The following RORB variants were observed in gnomAD, a reference collection of about 807,000 sequenced individuals.
RORB encodes the protein nuclear receptor ROR-beta.
A neutral mutation model predicts 59.1 loss-of-function variants in RORB; 6 were observed. The observed-to-expected ratio is 0.10, with a 90% confidence interval of 0.06 to 0.20. The LOEUF (loss-of-function observed/expected upper bound fraction) is 0.20, where lower values mean the gene tolerates loss of function less well. Ranked by LOEUF, RORB falls within the 10% of genes least tolerant of loss-of-function variation. The probability of loss-of-function intolerance (pLI) is 1.00; values close to 1 mark genes in which losing one functional copy is unlikely to be tolerated. For synonymous variants in RORB, 215 were observed against 204.5 expected (o/e 1.05, Z -0.44); for missense variants, 320 against 560.5 (o/e 0.57, Z 4.33).
rs111273738 is a variant in RORB, at chr9:74,500,443, G to T, written c.7+2460G>T. ...AACTTGAGAAGTGAAAGCGGGAAAA[G>T]AATCAGCTTTCGCTCGTGCAGGGCT... On this transcript the variant is annotated intron_variant, in intron 1 of 9. Coordinates refer to ENST00000376896, the MANE Select transcript of RORB (RefSeq NM_006914.4). Among the ~76,000 whole-genome samples, 431 of 152,284 alleles carry T rather than the reference G, an allele frequency of 2.8e-3. 1 individual carries two copies. The highest frequency in any genetic ancestry group is 9.8e-3 in the African/African-American group (406 of 41,576).
chr9:74,624,232 T>A (rs1823470950), intron 1 of RORB, among the ~76,000 whole-genome samples: 1 of 152,168 alleles, frequency 6.6e-6, no homozygotes, highest in Non-Finnish European at 1.5e-5. Flanking sequence ...ATTTAGGAGC[T>A]ATCAGCCATT....
intron 1 of RORB, among the ~76,000 whole-genome samples, chr9:74,591,472 G>A (rs1029167947): frequency 2.6e-5 from 4 of 152,100 alleles, no homozygotes; most frequent in Non-Finnish European, 5.9e-5. Context: ...ACAAAGAAAA[G>A]AAAACTCCAG....
chr9:74,525,616 T>TAA (rs2118083032), intron 1 of RORB, among the ~76,000 whole-genome samples: 1 of 152,064 alleles, frequency 6.6e-6, no homozygotes, highest in South Asian at 2.1e-4. Flanking sequence ...ATTTTCACTC[T>TAA]ATGAACAGCA....
At chr9:74,683,606 A>G (rs1427444380) in intron 9 of RORB, among the ~76,000 whole-genome samples, 2 of 152,130 alleles carry the variant, frequency 1.3e-5, no homozygotes, top group Non-Finnish European at 1.5e-5. Context: ...ATCTTTGCAC[A>G]TGATCCTAGG....
chr9:74,686,114 A>C lies in RORB; in HGVS notation c.*496A>C, dbSNP rs761150773. 1.3e-5 allele frequency: 2 copies of C among 152,690 alleles called. No individual in the cohort carries two copies. Among genetic ancestry groups the C allele is most frequent in the African/African-American group, 4.8e-5 (2 of 41,446 alleles). 9.5% of individuals were successfully genotyped at this position (152,690 alleles called of 1,614,324 possible). A position where few individuals can be genotyped will look rare whatever the true frequency, so the allele number is the denominator to read the frequency against. ...TAATAAGTATATAATATGTGAGAAT[A>C]TTATATATGACTATTACTTATACAT... On this transcript the variant is annotated 3_prime_UTR_variant, in exon 10 of 10. Transcript: ENST00000376896.
intron 1 of RORB, among the ~76,000 whole-genome samples, chr9:74,554,320 A>T (rs532839780): frequency 6.6e-6 from 1 of 152,132 alleles, no homozygotes; most frequent in South Asian, 2.1e-4. Context: ...TGCAATTGCA[A>T]CCTGAGAAGC....
At chr9:74,556,966 T>C (rs924245149) in intron 1 of RORB, among the ~76,000 whole-genome samples, 1 of 152,198 alleles carries the variant, frequency 6.6e-6, no homozygotes, top group Non-Finnish European at 1.5e-5. Context: ...TTTTTTCTGC[T>C]CTGACTATAC....
At chr9:74,653,134 G>A (rs1210528292) in intron 4 of RORB, among the ~76,000 whole-genome samples, 4 of 152,154 alleles carry the variant, frequency 2.6e-5, no homozygotes, top group Non-Finnish European at 4.4e-5. Flanking sequence ...AAGGAAAATT[G>A]TGTGTGCATT....
intron 9 of RORB, among the ~76,000 whole-genome samples, chr9:74,674,013 C>G (rs561215529): frequency 3.3e-5 from 5 of 152,312 alleles, no homozygotes; most frequent in African/African-American, 9.6e-5. Context: ...CTCCATTTGT[C>G]TAAGTCTCAC....
intron 1 of RORB, among the ~76,000 whole-genome samples, chr9:74,607,395 G>A (rs1468851329): frequency 6.6e-6 from 1 of 152,172 alleles, no homozygotes; most frequent in African/African-American, 2.4e-5. Context: ...GGTGAGGCTT[G>A]CCACTTTACA....
chr9:74,682,440 A>T (rs1181180400), intron 9 of RORB, among the ~76,000 whole-genome samples: 4 of 152,184 alleles, frequency 2.6e-5, no homozygotes, highest in African/African-American at 9.7e-5. Flanking sequence ...TAATAAAAAA[A>T]AAAAGAAAAA....
At chr9:74,501,775 T>C (rs1273078637) in intron 1 of RORB, among the ~76,000 whole-genome samples, 2 of 152,220 alleles carry the variant, frequency 1.3e-5, no homozygotes, top group Non-Finnish European at 2.9e-5. Flanking sequence ...ACTTCTGGGA[T>C]AGGTATTAGT....
intron 1 of RORB, among the ~76,000 whole-genome samples, chr9:74,536,877 C>T (rs935901585): frequency 6.6e-6 from 1 of 151,892 alleles, no homozygotes; most frequent in Admixed American, 6.6e-5. Context: ...ACTTTTTAAA[C>T]TTTTCTATAG....
chr9:74,573,464 TA>T (rs5898361), intron 1 of RORB, among the ~76,000 whole-genome samples: 114,281 of 131,948 alleles, frequency 0.87, 50,739 homozygotes, highest in Non-Finnish European at 0.97. Context: ...CTTTTGTTAT[TA>T]AAAAAAAAAA....
intron 1 of RORB, among the ~76,000 whole-genome samples, chr9:74,538,804 G>A (rs184932051): frequency 5.4e-4 from 82 of 151,646 alleles, no homozygotes; most frequent in Non-Finnish European, 6.5e-4. Context: ...TAAGAGCATC[G>A]TCTTTAGAGT....
chr9:74,654,333 GGAGAGAGAGAGAGAGAGA>G (rs60137307), intron 4 of RORB, among the ~76,000 whole-genome samples: 11 of 138,616 alleles, frequency 7.9e-5, no homozygotes, highest in South Asian at 2.4e-4. Context: ...CAGTCTCAGG[GGAGAGAGAGAGAGAGAGA>G]GAGAGAGAGA....
chr9:74,645,034 T>A (rs781097385), intron 4 of RORB, among the ~76,000 whole-genome samples: 1 of 152,220 alleles, frequency 6.6e-6, no homozygotes, highest in Admixed American at 6.5e-5. Flanking sequence ...TATATTTTAC[T>A]CAATTATTTC....
chr9:74,616,040 T>C (rs1563953693), intron 1 of RORB, among the ~76,000 whole-genome samples: 1 of 152,196 alleles, frequency 6.6e-6, no homozygotes, highest in Non-Finnish European at 1.5e-5. Flanking sequence ...TCTATTTGAT[T>C]TATATATATG....
intron 1 of RORB, among the ~76,000 whole-genome samples, chr9:74,513,303 G>A (rs919222383): frequency 6.6e-6 from 1 of 151,882 alleles, no homozygotes; most frequent in African/African-American, 2.4e-5. Context: ...TTAAGTGAAA[G>A]AAAAAAACCT....
Sources: gnomAD v4.1 joint callset for allele counts (sites outside exome capture counted in the v4.1 genomes callset) on GRCh38, gnomAD v4.1.1 for gene constraint, MANE v1.5 for transcripts, NCBI Gene and HGNC (gene_info 2026-07-23, HGNC 2026-07-21) for gene names.